Variants in SH3PXD2B observed in about 807,000 individuals in gnomAD.
SH3PXD2B encodes the protein SH3 and PX domains 2B, also known as SH3 and PX domain-containing protein 2B.
In SH3PXD2B, 37 loss-of-function variants were observed where a neutral mutation model predicts 73.1. That is an observed-to-expected ratio of 0.51 (90% CI 0.39 to 0.67). The LOEUF (loss-of-function observed/expected upper bound fraction) is 0.67. Among genes scored for constraint, SH3PXD2B ranks in the 30% least tolerant of loss-of-function variants. The pLI, the probability that SH3PXD2B is intolerant of heterozygous loss-of-function variation, is 0.00. For synonymous variants in SH3PXD2B, 457 were observed against 480.5 expected (o/e 0.95, Z 0.64); for missense variants, 1,053 against 1,197.8 (o/e 0.88, Z 1.78).
chr5:172,334,854 T>A lies in SH3PXD2B; in HGVS notation c.*3515A>T, dbSNP rs1756649769. On this transcript the variant is annotated 3_prime_UTR_variant, in exon 13 of 13. Transcript: ENST00000311601. Reference sequence around the variant, plus strand: ...GGCATATGTTCCCCCATCTTCCACCTGGTAATGAAATCCTCAGTGGGCGCA... The same window carrying A: ...GGCATATGTTCCCCCATCTTCCACCAGGTAATGAAATCCTCAGTGGGCGCA... The A allele has an allele frequency of 1.0e-6, 1 of 985,354 alleles. No individual in the cohort carries two copies. The highest frequency in any genetic ancestry group is 1.7e-5 in the African/African-American group (1 of 57,240). 61.0% of individuals were successfully genotyped at this position (985,354 alleles called of 1,614,324 possible).
At chr5:172,362,994 A>C in intron 6 of SH3PXD2B, 125 bp from the exon 7 acceptor site, 601 of 1,224,386 alleles carry the variant, frequency 4.9e-4, no homozygotes, top group Middle Eastern at 1.3e-3. Context: ...GACTCATCTC[A>C]AGGGTGACTT....
intron 5 of SH3PXD2B, among the ~76,000 whole-genome samples, chr5:172,381,593 G>A (rs1026868489): frequency 1.3e-5 from 2 of 152,170 alleles, no homozygotes; most frequent in Non-Finnish European, 2.9e-5. Flanking sequence ...TTCGGAGCCT[G>A]GCTGGTCAGG....
At position 172,339,846 on chromosome 5, in the gene SH3PXD2B, GTGGC is replaced by G; in HGVS notation, c.1255_1258del (p.Ala419ProfsTer25). 6.2e-7 allele frequency: 1 copy of G among 1,614,264 alleles called. No homozygotes were observed. Among genetic ancestry groups the G allele is most frequent in the Non-Finnish European group, 8.5e-7 (1 of 1,180,052 alleles). On this transcript the variant is annotated frameshift_variant, in exon 13 of 13. Coordinates refer to ENST00000311601, the MANE Select transcript of SH3PXD2B (RefSeq NM_001017995.3). LOFTEE classifies it low-confidence loss of function (END_TRUNC). The surrounding 1 kb of genome is among the most constrained non-coding windows in gnomAD (Gnocchi z 6.1). ...CGTCTTCTTGTACTTGTCAATGAAG[GTGGC>G]CGGGGCCCACCCTTCCTTATCTTCA...
At position 172,334,980 on chromosome 5, in the gene SH3PXD2B, C is replaced by T. The variant is rs917410976; in HGVS notation, c.*3389G>A. The stretch of plus-strand genomic sequence containing the variant: ...TACCGTAACCTGGCATGGGCTCCAG[C>T]GATCCCCCAGTAGGGAAGGGCCATT... On this transcript the variant is annotated 3_prime_UTR_variant, in exon 13 of 13. Transcript: ENST00000311601. 54 of 985,296 alleles carry T rather than the reference C, an allele frequency of 5.5e-5. No homozygotes were observed. The Admixed American group carries it at 8.6e-4, about 16-fold the overall frequency. The allele number at this position is 985,296 out of a possible 1,614,324, so 61.0% of individuals were successfully genotyped here.
chr5:172,423,797 C>T (rs1358216466), intron 1 of SH3PXD2B, among the ~76,000 whole-genome samples: 3 of 152,244 alleles, frequency 2.0e-5, no homozygotes, highest in Admixed American at 6.5e-5. Context: ...CGAGCGCTAC[C>T]GTGCCCGGCT....
intron 10 of SH3PXD2B, among the ~76,000 whole-genome samples, chr5:172,349,195 G>C (rs904219851): frequency 9.2e-5 from 14 of 152,242 alleles, no homozygotes; most frequent in African/African-American, 3.1e-4. Flanking sequence ...CAGGGCAGCT[G>C]AGCAAAGTAC....
Position 172,360,756 on chromosome 5 carries a change from C to T in SH3PXD2B, c.563-1879G>A, listed in dbSNP as rs900225638. Among the ~76,000 whole-genome samples the T allele has an allele frequency of 3.3e-5, 5 of 152,134 alleles. No individual in the cohort carries two copies. The East Asian group carries it at 7.7e-4, about 23-fold the overall frequency. On this transcript the variant is annotated intron_variant, in intron 7 of 12. Coordinates refer to ENST00000311601, the MANE Select transcript of SH3PXD2B (RefSeq NM_001017995.3). ...CTGAGACAGGAGAATCACTTGAACC[C>T]GGGAGGTGGAGGCTGCAGTGAGCCA...
downstream of SH3PXD2B, among the ~76,000 whole-genome samples, chr5:172,329,055 G>GTA (rs1160793543): frequency 5.1e-5 from 6 of 117,250 alleles, no homozygotes; most frequent in African/African-American, 1.4e-4. Context: ...ATGTGTGTGT[G>GTA]TGTGTATATA....
At chr5:172,435,850 C>A (rs1232701391) in intron 1 of SH3PXD2B, among the ~76,000 whole-genome samples, 1 of 152,138 alleles carries the variant, frequency 6.6e-6, no homozygotes, top group Non-Finnish European at 1.5e-5. Context: ...CAAGAGAAGG[C>A]ACAAATGGGG....
At chr5:172,439,281 C>A (rs11272067) in intron 1 of SH3PXD2B, among the ~76,000 whole-genome samples, 532 of 41,642 alleles carry the variant, frequency 0.013, 50 homozygotes, top group African/African-American at 0.055. Flanking sequence ...AAAAACAAAA[C>A]AAAAAAAAAA....
chr5:172,434,005 T>C (rs1355741819), intron 1 of SH3PXD2B, among the ~76,000 whole-genome samples: 2 of 152,168 alleles, frequency 1.3e-5, no homozygotes, highest in African/African-American at 4.8e-5. Flanking sequence ...TTCCAAGCAG[T>C]AACAGCCAAG....
chr5:172,345,756 A>T (rs1756983118), intron 12 of SH3PXD2B, among the ~76,000 whole-genome samples: 1 of 152,244 alleles, frequency 6.6e-6, no homozygotes, highest in African/African-American at 2.4e-5. Context: ...GCATACAGCC[A>T]GTCACACAAG....
chr5:172,423,613 G>C (rs1759027546), intron 1 of SH3PXD2B, among the ~76,000 whole-genome samples: 1 of 151,832 alleles, frequency 6.6e-6, no homozygotes, highest in Admixed American at 6.6e-5. Flanking sequence ...CTTGAGCTGG[G>C]CCAATCACAG....
chr5:172,343,734 C>T (rs9313590), intron 12 of SH3PXD2B, among the ~76,000 whole-genome samples: 2 of 151,374 alleles, frequency 1.3e-5, no homozygotes, highest in South Asian at 2.1e-4. Context: ...GAACCTAGGA[C>T]GTGGAGGTTG....
At chr5:172,349,948 G>A (rs530063360) in intron 10 of SH3PXD2B, among the ~76,000 whole-genome samples, 62 of 152,144 alleles carry the variant, frequency 4.1e-4, no homozygotes, top group African/African-American at 1.1e-3. Flanking sequence ...TCTGCCTCCC[G>A]GGTTCAAGCG....
chr5:172,339,796 G>A lies in SH3PXD2B; in HGVS notation c.1309C>T (p.Leu437=). The A allele has an allele frequency of 6.2e-7, 1 of 1,613,292 alleles. No individual in the cohort carries two copies. Among genetic ancestry groups the A allele is most frequent in the South Asian group, 1.1e-5 (1 of 91,078 alleles). Residue 437 remains leucine (L), a synonymous_variant, in exon 13 of 13, where the codon CTG becomes TTG. Transcript: ENST00000311601. This position sits in a 1 kb window ranked among gnomAD's most constrained non-coding sequence, Gnocchi z 6.1. ...GTCACCTCGTGGGGCAGGGGAGCCAGAAAGTTGGGTCTCGACGCGTTGCTC... is the reference window on the plus strand; with the variant it reads ...GTCACCTCGTGGGGCAGGGGAGCCAAAAAGTTGGGTCTCGACGCGTTGCTC... ...KTSNASRPNF[L]APLPHEVTQL... is the part of the protein sequence containing the mutation.
chr5:172,435,539 C>T (rs1372190760), intron 1 of SH3PXD2B, among the ~76,000 whole-genome samples: 5 of 152,194 alleles, frequency 3.3e-5, no homozygotes, highest in Non-Finnish European at 7.3e-5. Flanking sequence ...TCTCCAGCCT[C>T]AGCCTCCTGA....
At chr5:172,441,197 C>A (rs1445023522) in intron 1 of SH3PXD2B, among the ~76,000 whole-genome samples, 1 of 152,136 alleles carries the variant, frequency 6.6e-6, no homozygotes, top group Admixed American at 6.6e-5. Context: ...ACAGCAATGA[C>A]CCTCCTTCCC....
chr5:172,328,951 A>G (rs1208158588), downstream of SH3PXD2B, among the ~76,000 whole-genome samples: 1 of 151,652 alleles, frequency 6.6e-6, no homozygotes, highest in Non-Finnish European at 1.5e-5. Context: ...AATATTGTAC[A>G]TGACATTTAT....
Sources: gnomAD v4.1 joint callset for allele counts (sites outside exome capture counted in the v4.1 genomes callset) on GRCh38, gnomAD v4.1.1 for gene constraint, Gnocchi (gnomAD v3.1) non-coding constraint, MANE v1.5 for transcripts, NCBI Gene and HGNC (gene_info 2026-07-23, HGNC 2026-07-21) for gene names.